Variants in MAK16 observed in about 807,000 individuals in gnomAD.
MAK16 encodes the protein protein MAK16 homolog.
A neutral mutation model predicts 49.9 loss-of-function variants in MAK16; 12 were observed. The ratio of observed to expected loss-of-function variants is 0.24; its 90% CI spans 0.15 to 0.39. MAK16 has a LOEUF of 0.39. Among genes scored for constraint, MAK16 ranks in the 10% least tolerant of loss-of-function variants. The pLI, the probability that MAK16 is intolerant of heterozygous loss-of-function variation, is 1.00. For synonymous variants in MAK16, 115 were observed against 126.4 expected (o/e 0.91, Z 0.60); for missense variants, 292 against 363.7 (o/e 0.80, Z 1.60).
chr8:33,498,271 C>CAAAAAA (rs35740010), intron 9 of MAK16, among the ~76,000 whole-genome samples, 161 bp from the exon 10 acceptor site: 2 of 85,750 alleles, frequency 2.3e-5, no homozygotes, highest in African/African-American at 9.6e-5. Flanking sequence ...GACCCCGTCT[C>CAAAAAA]AAAAAAAAAA....
Position 33,489,076 on chromosome 8 carries a change from A to G in MAK16, c.329A>G (p.Lys110Arg), listed in dbSNP as rs1217146038. 1 of 1,614,108 alleles carries G rather than the reference A, an allele frequency of 6.2e-7. No homozygotes were observed. The highest frequency in any genetic ancestry group is 8.5e-7 in the Non-Finnish European group (1 of 1,179,920). Residue 110 changes from lysine (K) to arginine (R), a missense_variant, in exon 5 of 10, where the codon AAG becomes AGG. Physicochemically the swap from Lys to Arg is conservative, Grantham distance 26. Coordinates refer to ENST00000360128, the MANE Select transcript of MAK16 (RefSeq NM_032509.4). This position sits in a 1 kb window ranked among gnomAD's most constrained non-coding sequence, Gnocchi z 4.2. ...CCCCGTTTCATTCGACACAAATGTAAGCAGAGATTCACCAAGATCACCCAA... is the reference window on the plus strand; with the variant it reads ...CCCCGTTTCATTCGACACAAATGTAGGCAGAGATTCACCAAGATCACCCAA... The part of the protein sequence containing the change: ...YWPRFIRHKC[K>R]QRFTKITQYL...
chr8:33,490,997 T>C (rs894973395), intron 6 of MAK16, among the ~76,000 whole-genome samples: 1 of 152,204 alleles, frequency 6.6e-6, no homozygotes, highest in African/African-American at 2.4e-5. Context: ...TCAATTGTTT[T>C]GATTTTTTGA....
At chr8:33,488,003 A>G (rs1808714562) in intron 1 of MAK16, among the ~76,000 whole-genome samples, 1 of 152,062 alleles carries the variant, frequency 6.6e-6, no homozygotes, top group South Asian at 2.1e-4. Flanking sequence ...ATCTCGGCTC[A>G]CCGCAACCTC....
chr8:33,495,715 T>TGGATGGGG (rs1808847789), intron 7 of MAK16, 99 bp downstream of exon 7: 1 of 330,362 alleles, frequency 3.0e-6, no homozygotes, highest in Non-Finnish European at 4.9e-6. Context: ...TTTTTTTTTT[T>TGGATGGGG]TTTTTTTTTT....
At chr8:33,488,457 A>G (rs1808721917) in intron 2 of MAK16, 30 bp downstream of exon 2, 1 of 1,614,004 alleles carries the variant, frequency 6.2e-7, no homozygotes. Context: ...TTGGTCAAAG[A>G]TTCCTTCAGT....
Position 33,500,250 on chromosome 8 carries a change from A to C in MAK16, c.*1621A>C, listed in dbSNP as rs1809017180. 1.3e-6 allele frequency: 2 copies of C among 1,561,438 alleles called. No individual in the cohort carries two copies. Among genetic ancestry groups the C allele is most frequent in the Admixed American group, 3.4e-5 (2 of 58,804 alleles). ...TTTCCAGACTTGGTCAGGCACATACATAGTAAATTATAATCAATCATGGGA... is the reference window on the plus strand; with the variant it reads ...TTTCCAGACTTGGTCAGGCACATACCTAGTAAATTATAATCAATCATGGGA... On this transcript the variant is annotated 3_prime_UTR_variant, in exon 10 of 10. Coordinates refer to ENST00000360128, the MANE Select transcript of MAK16 (RefSeq NM_032509.4).
chr8:33,495,637 G>A, intron 7 of MAK16, 21 bp downstream of exon 7: 1 of 1,535,914 alleles, frequency 6.5e-7, no homozygotes, highest in Non-Finnish European at 8.8e-7. Context: ...CATTAGCTTT[G>A]GGGTACTGAA....
At chr8:33,485,758 AATT>A (rs1808677460) in intron 1 of MAK16, 1 of 157,436 alleles carries the variant, frequency 6.4e-6, no homozygotes, top group African/African-American at 2.4e-5. Context: ...GCATTGTGGT[AATT>A]ATTGAGGATT....
intron 6 of MAK16, among the ~76,000 whole-genome samples, chr8:33,492,850 GTGTTTTTTTTGT>G (rs1168425865): frequency 1.1e-4 from 16 of 150,500 alleles, no homozygotes; most frequent in Non-Finnish European, 3.0e-5. Context: ...GGTTTGTTTT[GTGTTTTTTTTGT>G]TGTTTTTTTT....
chr8:33,485,408 C>T (rs1038461904), intron 1 of MAK16, 187 bp downstream of exon 1: 2 of 742,698 alleles, frequency 2.7e-6, no homozygotes, highest in Non-Finnish European at 2.3e-6. Context: ...CTGCCCGCTG[C>T]CCCGGCCGGG....
At chr8:33,488,277 A>C in intron 1 of MAK16, 101 bp from the exon 2 acceptor site, 1 of 1,266,646 alleles carries the variant, frequency 7.9e-7, no homozygotes, top group Non-Finnish European at 1.1e-6. Flanking sequence ...TTTACAAAAC[A>C]TTTCTTCCTC....
chr8:33,498,438 G>A lies in MAK16; in HGVS notation c.712G>A (p.Asp238Asn). Residue 238 changes from aspartate to asparagine, a missense_variant, in exon 10 of 10, where the codon GAT becomes AAT. Asp to Asn is a conservative substitution (Grantham distance 23, BLOSUM62 1). Coordinates refer to ENST00000360128, the MANE Select transcript of MAK16 (RefSeq NM_032509.4). ...TTTTCTCTCCCCGTAATAGGATATGGATAAACTGGATGCCAGCAGTGATGA... is the reference window on the plus strand; with the variant it reads ...TTTTCTCTCCCCGTAATAGGATATGAATAAACTGGATGCCAGCAGTGATGA... ...ESDISDFEDMDKLDASSDEDQ... is the reference protein window; with the variant it reads ...ESDISDFEDMNKLDASSDEDQ... 1.2e-6 allele frequency: 2 copies of A among 1,613,990 alleles called. No individual in the cohort carries two copies. Among genetic ancestry groups the A allele is most frequent in the Non-Finnish European group, 1.7e-6 (2 of 1,179,974 alleles).
chr8:33,498,083 G>A (rs144229230), intron 9 of MAK16, among the ~76,000 whole-genome samples: 3,295 of 139,372 alleles, frequency 0.024, 54 homozygotes, highest in East Asian at 0.082. Context: ...GCAACAGAGC[G>A]AGACTCCGTC....
chr8:33,487,807 C>CA (rs1014938408), intron 1 of MAK16, among the ~76,000 whole-genome samples: 9 of 151,894 alleles, frequency 5.9e-5, no homozygotes, highest in Non-Finnish European at 1.3e-4. Context: ...CAGAGTATGT[C>CA]AAAAAAAGTC....
intron 6 of MAK16, among the ~76,000 whole-genome samples, chr8:33,492,653 G>C (rs1376511436): frequency 6.6e-6 from 1 of 152,150 alleles, no homozygotes; most frequent in East Asian, 1.9e-4. Context: ...TGAAGAGACT[G>C]TCTTTTCCCT....
At position 33,498,507 on chromosome 8, in the gene MAK16, G is replaced by C. The variant is rs1032714204; in HGVS notation, c.781G>C (p.Ala261Pro). The C allele has an allele frequency of 6.2e-7, 1 of 1,613,870 alleles. No homozygotes were observed. Among genetic ancestry groups the C allele is most frequent in the Admixed American group, 1.7e-5 (1 of 59,960 alleles). Reference protein sequence around the residue: ...KSSSEEEEEKALSAKHKGKMP... With the variant: ...KSSSEEEEEKPLSAKHKGKMP... ...CTCCAGTGAGGAGGAGGAAGAAAAG[G>C]CCCTTAGTGCGAAACACAAAGGCAA... Residue 261 changes from alanine to proline, a missense_variant, in exon 10 of 10, where the codon GCC becomes CCC. Physicochemically the swap from Ala to Pro is conservative, Grantham distance 27. Coordinates refer to ENST00000360128, the MANE Select transcript of MAK16 (RefSeq NM_032509.4).
At chr8:33,488,481 A>C (rs374941007) in intron 2 of MAK16, 39 bp from the exon 3 acceptor site, 1 of 1,613,682 alleles carries the variant, frequency 6.2e-7, no homozygotes, top group Non-Finnish European at 8.5e-7. Flanking sequence ...CTCTTTGGCA[A>C]CCCATTTTAT....
chr8:33,500,498 C>G lies in MAK16; in HGVS notation c.*1869C>G, dbSNP rs776929766. On this transcript the variant is annotated 3_prime_UTR_variant, in exon 10 of 10. Coordinates refer to ENST00000360128, the MANE Select transcript of MAK16 (RefSeq NM_032509.4). ...ACAAGTCTGCAGGAAACTCTGGAAT[C>G]AGGAAGAAAAGCTATGTTCATACTC... The G allele has an allele frequency of 4.3e-5, 69 of 1,613,720 alleles. No homozygotes were observed. In the East Asian group the frequency reaches 1.5e-3, roughly 35 times the overall value.
intron 7 of MAK16, among the ~76,000 whole-genome samples, chr8:33,496,175 A>G (rs969105402): frequency 1.3e-5 from 2 of 151,972 alleles, no homozygotes; most frequent in Non-Finnish European, 2.9e-5. Flanking sequence ...ACAATTCCAG[A>G]TTTCTGTATA....
Sources: allele counts gnomAD v4.1 joint callset (sites outside exome capture counted in the v4.1 genomes callset), GRCh38; gene constraint gnomAD v4.1.1; non-coding constraint Gnocchi (gnomAD v3.1); transcripts MANE v1.5; gene names NCBI Gene and HGNC (gene_info 2026-07-23, HGNC 2026-07-21).